Variants in ALG13 observed in about 807,000 individuals in gnomAD.
The protein encoded by ALG13 is UDP-N-acetylglucosamine transferase subunit ALG13.
Under a neutral mutation model 87.8 loss-of-function variants are expected in ALG13, and 11 were observed. The observed-to-expected ratio is 0.13, with a 90% CI of 0.08 to 0.21. The LOEUF (loss-of-function observed/expected upper bound fraction) is 0.21. ALG13 is among the 10% of genes least tolerant of loss of function. The pLI is 1.00. For missense variants in ALG13, 756 were observed against 866.1 expected (o/e 0.87, Z 1.60); for synonymous variants, 320 against 306.3 (o/e 1.04, Z -0.47).
At chrX:111,709,277 ACTT>A (rs1380196974) in intron 5 of ALG13, among the ~76,000 whole-genome samples, 1 of 111,910 alleles carries the variant, frequency 8.9e-6, no homozygotes, top group Non-Finnish European at 1.9e-5. Context: ...TTTTCCCACT[ACTT>A]ACCTCGTCCT....
At chrX:111,720,011 C>T (rs1941203749) in intron 10 of ALG13, 84 bp from the exon 11 acceptor site, 1 of 586,029 alleles carries the variant, frequency 1.7e-6, no homozygotes, top group African/African-American at 2.3e-5. Flanking sequence ...TAATTTACCA[C>T]TAGGTGGTGG....
At chrX:111,722,542 C>A (rs779786326) in intron 12 of ALG13, among the ~76,000 whole-genome samples, 1 of 112,396 alleles carries the variant, frequency 8.9e-6, no homozygotes, top group African/African-American at 3.2e-5. Flanking sequence ...GTTTGACTAT[C>A]TCTGATTACA....
intron 15 of ALG13, among the ~76,000 whole-genome samples, chrX:111,726,227 G>GT (rs1448726593): frequency 5.5e-4 from 46 of 83,709 alleles, no homozygotes; most frequent in African/African-American, 1.2e-3. Flanking sequence ...TTACAGGCGT[G>GT]TTTTGTTTTT....
At chrX:111,752,549 G>T (rs1944849480) in intron 24 of ALG13, among the ~76,000 whole-genome samples, 2 of 110,025 alleles carry the variant, frequency 1.8e-5, no homozygotes, top group Non-Finnish European at 3.8e-5. Flanking sequence ...CTGAGTAGCT[G>T]GGATTACAGG....
intron 25 of ALG13, among the ~76,000 whole-genome samples, chrX:111,754,378 C>G (rs776551709): frequency 8.9e-6 from 1 of 111,739 alleles, no homozygotes; most frequent in South Asian, 3.8e-4. Flanking sequence ...CAAGGATGTC[C>G]TCTCTCACCA....
At chrX:111,720,309 C>T (rs1333771961) in intron 11 of ALG13, 139 bp downstream of exon 11, 7 of 363,744 alleles carry the variant, frequency 1.9e-5, no homozygotes, top group Admixed American at 5.0e-5. Flanking sequence ...GAAAGTCTTA[C>T]CTATCTTTAA....
At chrX:111,712,198 C>T (rs1388081250) in intron 6 of ALG13, among the ~76,000 whole-genome samples, 1 of 111,930 alleles carries the variant, frequency 8.9e-6, no homozygotes, top group Non-Finnish European at 1.9e-5. Context: ...TAAATCCCTA[C>T]TGCCTTTTTA....
At chrX:111,731,427 C>T (rs1272056463) in intron 21 of ALG13, among the ~76,000 whole-genome samples, 2 of 112,141 alleles carry the variant, frequency 1.8e-5, no homozygotes, top group Non-Finnish European at 3.8e-5. Flanking sequence ...CATGGGCAGA[C>T]GTTGTAAGGG....
chrX:111,703,106 A>G (rs1292985777), intron 3 of ALG13, among the ~76,000 whole-genome samples: 1 of 110,345 alleles, frequency 9.1e-6, no homozygotes, highest in Non-Finnish European at 1.9e-5. Flanking sequence ...TTTTGCTTTC[A>G]TTGTTGTGGC....
chrX:111,704,249 A>G (rs929821086), intron 3 of ALG13, among the ~76,000 whole-genome samples: 2 of 111,748 alleles, frequency 1.8e-5, no homozygotes, highest in Admixed American at 9.5e-5. Flanking sequence ...ACCCTCATAC[A>G]CTATTGGTAA....
chrX:111,736,630 AC>A, intron 22 of ALG13, 83 bp from the exon 23 acceptor site: 1 of 894,833 alleles, frequency 1.1e-6, no homozygotes, highest in East Asian at 3.2e-5. Flanking sequence ...TAAACTAATT[AC>A]TATTTTCTGA....
chrX:111,685,525 C>G (rs1451673247), intron 3 of ALG13, among the ~76,000 whole-genome samples: 2 of 112,117 alleles, frequency 1.8e-5, no homozygotes, highest in African/African-American at 6.5e-5. Context: ...TTCATTTATT[C>G]AGTTACACCC....
At chrX:111,742,207 C>T (rs1357848155) in intron 23 of ALG13, among the ~76,000 whole-genome samples, 1 of 111,224 alleles carries the variant, frequency 9.0e-6, no homozygotes, top group Non-Finnish European at 1.9e-5. Context: ...ATAGATGAAA[C>T]GACTGATTTT....
intron 3 of ALG13, chrX:111,686,085 C>T: frequency 1.2e-6 from 1 of 842,431 alleles, no homozygotes; most frequent in South Asian, 3.4e-5. Context: ...TCAACAGGAA[C>T]TGATCATCGT....
chrX:111,689,057 G>A, intron 3 of ALG13: 1 of 697,024 alleles, frequency 1.4e-6, no homozygotes, highest in Non-Finnish European at 1.7e-6. Context: ...TGTTTTTATA[G>A]GTTTATTTTT....
intron 23 of ALG13, 132 bp from the exon 24 acceptor site, chrX:111,744,536 G>GT (rs1414232483): frequency 5.1e-5 from 37 of 722,086 alleles, no homozygotes; most frequent in Non-Finnish European, 6.9e-5. Context: ...CACTGTCCAA[G>GT]TTTTTTTTAT....
At position 111,720,524 on chromosome X, in the gene ALG13, A is replaced by G. The variant is rs748519906; in HGVS notation, c.1326+354A>G. Among the ~76,000 whole-genome samples the G allele has an allele frequency of 2.7e-5, 3 of 111,600 alleles. No homozygotes were observed. The East Asian group carries it at 8.4e-4, about 31-fold the overall frequency. ...ACAATGCCTATCTTTATTTTATTCAAACTAGGTGATAATCATGGTTTAAAG... is the reference window on the plus strand; with the variant it reads ...ACAATGCCTATCTTTATTTTATTCAGACTAGGTGATAATCATGGTTTAAAG... On this transcript the variant is annotated intron_variant, in intron 11 of 26. Transcript: ENST00000394780.
rs191887431 is a variant in ALG13 at position 111,746,973 on chromosome X, G to A, written c.2932+2069G>A. Among the ~76,000 whole-genome samples, 46 of 111,277 alleles carry A rather than the reference G, an allele frequency of 4.1e-4. 1 individual carries two copies. The highest frequency in any genetic ancestry group is 3.8e-4 in the Admixed American group (4 of 10,467). On this transcript the variant is annotated intron_variant, in intron 24 of 26. Coordinates refer to ENST00000394780, the MANE Select transcript of ALG13 (RefSeq NM_001099922.3). ...GCATAGGGATTTCCCATTTTCCACC[G>A]GCCCCCACATGTCCGTAGCCTTCCA...
At chrX:111,750,125 C>T (rs1235205213) in intron 24 of ALG13, among the ~76,000 whole-genome samples, 1 of 111,333 alleles carries the variant, frequency 9.0e-6, no homozygotes. Flanking sequence ...TTTTTTTCTC[C>T]TAAGCCTTTG....
Sources: allele counts gnomAD v4.1 joint callset (sites outside exome capture counted in the v4.1 genomes callset), GRCh38; gene constraint gnomAD v4.1.1; transcripts MANE v1.5; gene names NCBI Gene and HGNC (gene_info 2026-07-23, HGNC 2026-07-21).